OSBPL10: variants seen among roughly 807,000 people sequenced by gnomAD.
The protein encoded by OSBPL10 is oxysterol binding protein like 10.
Under a neutral mutation model 81.7 loss-of-function variants are expected in OSBPL10, and 49 were observed. The ratio of observed to expected loss-of-function variants is 0.60; its 90% CI spans 0.48 to 0.76. The LOEUF is 0.76. Ranked by LOEUF, OSBPL10 falls within the 30% of genes least tolerant of loss-of-function variation. The pLI is 0.00. For missense variants in OSBPL10, 923 were observed against 987.8 expected (o/e 0.93, Z 0.88); for synonymous variants, 419 against 383.6 (o/e 1.09, Z -1.08).
In OSBPL10 at chr3:31,661,845, C is replaced by T. The variant is rs890319827; in HGVS notation, c.*227G>A. The T allele has an allele frequency of 2.0e-5, 10 of 509,680 alleles. No individual in the cohort carries two copies. The highest frequency in any genetic ancestry group is 9.8e-5 in the African/African-American group (5 of 51,124). 31.6% of individuals were successfully genotyped at this position (509,680 alleles called of 1,614,324 possible). A position where few individuals can be genotyped will look rare whatever the true frequency, so the allele number is the denominator to read the frequency against. ...TGTTTACATAGTGCATGTGTGTGAA[C>T]GTATACGGTGTGTACACACACGTGC... On this transcript the variant is annotated 3_prime_UTR_variant, in exon 12 of 12. Transcript: ENST00000396556.
chr3:31,942,837 T>A (rs73061493), intron 1 of OSBPL10, among the ~76,000 whole-genome samples: 31,828 of 152,208 alleles, frequency 0.21, 3,882 homozygotes, highest in Non-Finnish European at 0.28. Flanking sequence ...TCAAATTTTT[T>A]AAATCATAAC....
At chr3:31,987,939 G>A (rs1698958617) in intron 2 of OSBPL10, among the ~76,000 whole-genome samples, 1 of 152,176 alleles carries the variant, frequency 6.6e-6, no homozygotes, top group Non-Finnish European at 1.5e-5. Context: ...TTAGGAAAAT[G>A]GAGCAAACAC....
At chr3:31,770,379 T>C (rs553141900) in intron 4 of OSBPL10, among the ~76,000 whole-genome samples, 57 of 152,278 alleles carry the variant, frequency 3.7e-4, no homozygotes, top group African/African-American at 1.3e-3. Context: ...ATTTATCCTG[T>C]GTGGTCTGTT....
chr3:31,826,797 C>T (rs928302143), intron 4 of OSBPL10, among the ~76,000 whole-genome samples: 1 of 152,162 alleles, frequency 6.6e-6, no homozygotes, highest in East Asian at 1.9e-4. Flanking sequence ...GTGGACCTGG[C>T]CACATCACAA....
chr3:32,076,878 T>C lies in OSBPL10; in HGVS notation n.185+518A>G, dbSNP rs187086914. Reference sequence around the variant, plus strand: ...AAGGTCAGATGAGCCAGTTTATTGATCTGGGTGGTGCAAGCTGATCCATCA... The same window carrying C: ...AAGGTCAGATGAGCCAGTTTATTGACCTGGGTGGTGCAAGCTGATCCATCA... On this transcript the variant is annotated intron_variant and non_coding_transcript_variant, in intron 1 of 3. Transcript: ENST00000479173. 3.5e-3 allele frequency among the ~76,000 whole-genome samples: 536 copies of C among 152,224 alleles called. 3 individuals are homozygous for C. The highest frequency in any genetic ancestry group is 0.012 in the African/African-American group (512 of 41,530).
intron 4 of OSBPL10, among the ~76,000 whole-genome samples, chr3:31,762,253 T>TAG (rs969096115): frequency 1.3e-5 from 2 of 152,074 alleles, no homozygotes; most frequent in African/African-American, 4.8e-5. Flanking sequence ...CTTTGCTGCT[T>TAG]CCCCCACATT....
intron 8 of OSBPL10, among the ~76,000 whole-genome samples, chr3:31,680,350 CAG>C (rs1700610209): frequency 6.6e-6 from 1 of 152,168 alleles, no homozygotes; most frequent in Non-Finnish European, 1.5e-5. Context: ...CTTGTGAACT[CAG>C]GGGGCTGCCT....
chr3:31,842,530 C>A (rs1700525076), intron 3 of OSBPL10, among the ~76,000 whole-genome samples: 1 of 152,212 alleles, frequency 6.6e-6, no homozygotes, highest in African/African-American at 2.4e-5. Flanking sequence ...ACATAAAACA[C>A]AAAAGCTCCT....
chr3:32,038,813 G>A (rs1295373713), intron 2 of OSBPL10, among the ~76,000 whole-genome samples: 1 of 152,128 alleles, frequency 6.6e-6, no homozygotes, highest in African/African-American at 2.4e-5. Context: ...ACTCAGCATG[G>A]ATGAATTTTA....
At chr3:31,990,346 G>A (rs1699010339) in intron 2 of OSBPL10, 1 of 1,613,992 alleles carries the variant, frequency 6.2e-7, no homozygotes, top group Non-Finnish European at 8.5e-7. Flanking sequence ...CCATAATGAA[G>A]AGAGATCTTA....
chr3:31,723,539 T>TACAC (rs35189802), intron 6 of OSBPL10, among the ~76,000 whole-genome samples: 3,719 of 125,050 alleles, frequency 0.03, 122 homozygotes, highest in African/African-American at 0.12. Context: ...CTCTGTTTCT[T>TACAC]ACACACACAC....
chr3:31,992,306 G>C (rs1699042014), intron 2 of OSBPL10, among the ~76,000 whole-genome samples: 1 of 152,076 alleles, frequency 6.6e-6, no homozygotes, highest in Admixed American at 6.6e-5. Flanking sequence ...TTTTGTATTG[G>C]TTTCCTATTG....
chr3:31,688,281 TCTCA>T lies in OSBPL10; in HGVS notation c.1246-4171_1246-4168del, dbSNP rs1553614121. Among the ~76,000 whole-genome samples, 258 of 113,966 alleles carry T rather than the reference TCTCA, an allele frequency of 2.3e-3. 1 individual carries two copies. Among genetic ancestry groups the T allele is most frequent in the East Asian group, 0.011 (30 of 2,622 alleles). The allele number at this position is 113,966 out of a possible 152,430, so 74.8% of individuals were successfully genotyped here. A position where few individuals can be genotyped will look rare whatever the true frequency, so the allele number is the denominator to read the frequency against. On this transcript the variant is annotated intron_variant, in intron 7 of 11. Transcript: ENST00000396556. ...CCCTGCACAAATCTCTCTCTCTCTC[TCTCA>T]CACACACACACACACACACACACAC... is the stretch of plus-strand genomic sequence containing the variant.
At chr3:31,812,855 T>A (rs1699745228) in intron 4 of OSBPL10, among the ~76,000 whole-genome samples, 1 of 148,768 alleles carries the variant, frequency 6.7e-6, no homozygotes, top group Non-Finnish European at 1.5e-5. Flanking sequence ...AACGAACTTC[T>A]CCAATAACAT....
rs139374169 is a variant in OSBPL10, at chr3:31,840,635, A to C, written c.538-10404T>G. 4.3e-3 allele frequency among the ~76,000 whole-genome samples: 654 copies of C among 152,340 alleles called. 5 individuals are homozygous for C. The highest frequency in any genetic ancestry group is 0.015 in the African/African-American group (620 of 41,570). ...TACTAACCCACCTACAGTGATAGCC[A>C]CAGGAGGCTACAGAAACCTTATAAG... is the stretch of plus-strand genomic sequence containing the variant. On this transcript the variant is annotated intron_variant, in intron 3 of 11. Transcript: ENST00000396556.
At chr3:31,725,624 C>G (rs1031088342) in intron 6 of OSBPL10, among the ~76,000 whole-genome samples, 3 of 152,144 alleles carry the variant, frequency 2.0e-5, no homozygotes, top group Non-Finnish European at 4.4e-5. Flanking sequence ...AGGAATGAAC[C>G]AATTCATAGA....
intron 1 of OSBPL10, among the ~76,000 whole-genome samples, chr3:31,902,905 G>T (rs1339546260): frequency 1.3e-5 from 2 of 152,290 alleles, no homozygotes; most frequent in South Asian, 4.1e-4. Flanking sequence ...TATGGAGTCT[G>T]ATTCCAAAGA....
At chr3:31,766,323 TTTTTTG>T (rs1698192597) in intron 4 of OSBPL10, among the ~76,000 whole-genome samples, 3 of 62,702 alleles carry the variant, frequency 4.8e-5, no homozygotes, top group Admixed American at 1.8e-4. Context: ...CCAATGTAGT[TTTTTTG>T]TTTTTTTGTT....
intron 1 of OSBPL10, among the ~76,000 whole-genome samples, chr3:31,885,872 G>C (rs1695720213): frequency 6.6e-6 from 1 of 150,498 alleles, no homozygotes; most frequent in African/African-American, 2.4e-5. Context: ...GCAGGTGCCT[G>C]TAATCCTAGC....
Sources: gnomAD v4.1 joint callset for allele counts (sites outside exome capture counted in the v4.1 genomes callset) on GRCh38, gnomAD v4.1.1 for gene constraint, MANE v1.5 for transcripts, NCBI Gene and HGNC (gene_info 2026-07-23, HGNC 2026-07-21) for gene names.